Variants in FCHO2 observed in about 807,000 individuals in gnomAD.
FCHO2 encodes the protein F-BAR domain only protein 2.
FCHO2 carries 43 observed loss-of-function variants against 114.1 expected under a neutral mutation model. That is an observed-to-expected ratio of 0.38 (90% CI 0.30 to 0.49). The LOEUF is 0.49. Ranked by LOEUF, FCHO2 falls within the 20% of genes least tolerant of loss-of-function variation. The pLI, the probability that FCHO2 is intolerant of heterozygous loss-of-function variation, is 0.97. For missense variants in FCHO2, 807 were observed against 950.4 expected, an observed-to-expected ratio of 0.85 and a Z score of 1.98; for synonymous variants, 293 against 315.2, an observed-to-expected ratio of 0.93 and a Z score of 0.75.
chr5:72,999,360 A>T (rs1754302200), intron 5 of FCHO2, among the ~76,000 whole-genome samples: 2 of 141,226 alleles, frequency 1.4e-5, no homozygotes, highest in African/African-American at 2.6e-5. Context: ...TGGTTATCTC[A>T]TTCACTCATT....
At chr5:73,021,221 ATCT>A (rs1755608594) in intron 8 of FCHO2, 9 of 714,206 alleles carry the variant, frequency 1.3e-5, no homozygotes, top group Non-Finnish European at 2.1e-5. Context: ...GGAAAAACTG[ATCT>A]TCTTTATCTC....
chr5:73,029,409 T>C (rs1305398982), intron 8 of FCHO2, among the ~76,000 whole-genome samples: 1 of 152,192 alleles, frequency 6.6e-6, no homozygotes, highest in Non-Finnish European at 1.5e-5. Flanking sequence ...ACTAAGATTC[T>C]GTGGAGAACT....
chr5:73,016,853 C>A (rs1297671382), intron 7 of FCHO2, among the ~76,000 whole-genome samples: 1 of 151,924 alleles, frequency 6.6e-6, no homozygotes, highest in Non-Finnish European at 1.5e-5. Context: ...GCCGTGACAC[C>A]CAGCCATCTG....
chr5:73,073,619 A>C (rs1027737416), intron 19 of FCHO2, among the ~76,000 whole-genome samples: 13 of 152,096 alleles, frequency 8.5e-5, no homozygotes, highest in African/African-American at 3.1e-4. Flanking sequence ...TAGAATACCA[A>C]GCTAACAGAG....
At chr5:73,024,883 G>C (rs1273801453) in intron 8 of FCHO2, among the ~76,000 whole-genome samples, 1 of 152,154 alleles carries the variant, frequency 6.6e-6, no homozygotes, top group African/African-American at 2.4e-5. Context: ...CATTTCTCAT[G>C]AATAAGTAGC....
At chr5:73,005,167 G>T (rs1754650357) in intron 5 of FCHO2, among the ~76,000 whole-genome samples, 1 of 152,180 alleles carries the variant, frequency 6.6e-6, no homozygotes, top group Non-Finnish European at 1.5e-5. Flanking sequence ...TTTAGAGAGA[G>T]TACAAAGTTG....
intron 5 of FCHO2, among the ~76,000 whole-genome samples, 154 bp downstream of exon 5, chr5:72,991,018 G>A (rs928595983): frequency 1.3e-5 from 2 of 152,206 alleles, no homozygotes; most frequent in African/African-American, 4.8e-5. Context: ...AAACACAGGA[G>A]ATTTGTAAAG....
chr5:73,002,560 C>T (rs1001204255), intron 5 of FCHO2, among the ~76,000 whole-genome samples: 3 of 152,140 alleles, frequency 2.0e-5, no homozygotes, highest in African/African-American at 7.2e-5. Context: ...TCTTCCACTT[C>T]ATTAATATAA....
At chr5:72,985,129 C>CA (rs900387076) in intron 2 of FCHO2, among the ~76,000 whole-genome samples, 17 of 151,754 alleles carry the variant, frequency 1.1e-4, no homozygotes, top group Admixed American at 1.1e-3. Flanking sequence ...TAAAAATTGT[C>CA]ATTTAAATCT....
At chr5:73,014,327 C>T (rs1420123354) in intron 6 of FCHO2, among the ~76,000 whole-genome samples, 5 of 143,116 alleles carry the variant, frequency 3.5e-5, no homozygotes, top group South Asian at 4.4e-4. Context: ...CTCACTCTGT[C>T]GCCCAAGCTG....
In FCHO2 at chr5:73,082,939, T is replaced by C. The variant is rs557506075; in HGVS notation, c.2245+114T>C. On this transcript the variant is annotated intron_variant, in intron 24 of 25. Coordinates refer to ENST00000430046, the MANE Select transcript of FCHO2 (RefSeq NM_138782.3). The stretch of plus-strand genomic sequence containing the variant: ...GCCAGGCTGGAGTGCAGTAACACAA[T>C]CTCAGCTCACTGCAACCTCCGCCTG... 774 of 841,576 alleles carry C rather than the reference T, an allele frequency of 9.2e-4. 2 individuals carry two copies. Among genetic ancestry groups the C allele is most frequent in the Non-Finnish European group, 1.4e-3 (744 of 551,040 alleles). The allele number at this position is 841,576 out of a possible 1,614,324, so 52.1% of individuals were successfully genotyped here.
intron 3 of FCHO2, 134 bp downstream of exon 3, chr5:72,989,635 A>G (rs1035661781): frequency 5.0e-6 from 3 of 596,548 alleles, no homozygotes; most frequent in Admixed American, 6.5e-5. Flanking sequence ...GTAAATATTA[A>G]TATATTCTTC....
At chr5:73,033,829 G>C (rs536644850) in intron 8 of FCHO2, among the ~76,000 whole-genome samples, 3 of 152,106 alleles carry the variant, frequency 2.0e-5, no homozygotes, top group African/African-American at 7.2e-5. Context: ...CATATATGAA[G>C]TATGCCATAT....
At chr5:73,063,438 T>C (rs1368951861) in intron 17 of FCHO2, among the ~76,000 whole-genome samples, 1 of 152,064 alleles carries the variant, frequency 6.6e-6, no homozygotes, top group Non-Finnish European at 1.5e-5. Context: ...GAGTTTACAA[T>C]ATTATTCTGG....
chr5:72,979,886 A>C (rs1050860561), intron 2 of FCHO2, among the ~76,000 whole-genome samples: 8 of 152,044 alleles, frequency 5.3e-5, no homozygotes, highest in Non-Finnish European at 1.0e-4. Context: ...TGATCTTTTC[A>C]AAAAACCAGC....
At chr5:73,082,910 TG>T in intron 24 of FCHO2, 85 bp downstream of exon 24, 1 of 1,208,168 alleles carries the variant, frequency 8.3e-7, no homozygotes, top group Non-Finnish European at 1.2e-6. Flanking sequence ...AGTCTAGCTT[TG>T]TTGCCAGGCT....
chr5:73,054,769 T>A (rs1242163911), intron 15 of FCHO2, among the ~76,000 whole-genome samples: 1 of 152,128 alleles, frequency 6.6e-6, no homozygotes, highest in South Asian at 2.1e-4. Context: ...GGCTACAACA[T>A]TTTTCAGAAA....
In FCHO2 at chr5:72,986,626, A is replaced by T. The variant is rs185034558; in HGVS notation, c.126-2801A>T. ...TTTTCTAAATTTTCCTCAGTGAGAA[A>T]AGTTTTTGTGTCAATAATCTTATTC... On this transcript the variant is annotated intron_variant, in intron 2 of 25. Transcript: ENST00000430046. Among the ~76,000 whole-genome samples, 485 of 152,298 alleles carry T rather than the reference A, an allele frequency of 3.2e-3. 3 individuals carry two copies. The highest frequency in any genetic ancestry group is 0.011 in the African/African-American group (469 of 41,548).
chr5:72,979,171 G>A (rs1246597789), intron 2 of FCHO2, among the ~76,000 whole-genome samples: 1 of 152,036 alleles, frequency 6.6e-6, no homozygotes, highest in Non-Finnish European at 1.5e-5. Context: ...GTTTGGAATA[G>A]TTTCAGAATG....
Sources: allele counts gnomAD v4.1 joint callset (sites outside exome capture counted in the v4.1 genomes callset), GRCh38; gene constraint gnomAD v4.1.1; transcripts MANE v1.5; gene names NCBI Gene and HGNC (gene_info 2026-07-23, HGNC 2026-07-21).